MOB3B: variants seen among roughly 807,000 people sequenced by gnomAD.
MOB3B encodes MOB kinase activator 3B.
In MOB3B, 7 loss-of-function variants were observed where a neutral mutation model predicts 18.7. That is an observed-to-expected ratio of 0.37 (90% confidence interval 0.21 to 0.70). The LOEUF is 0.70. Ranked by LOEUF, MOB3B falls within the 30% of genes least tolerant of loss-of-function variation. The pLI is 0.52. For missense variants in MOB3B, 253 were observed against 281.3 expected, an observed-to-expected ratio of 0.90 and a Z score of 0.72; for synonymous variants, 111 against 99.9, an observed-to-expected ratio of 1.11 and a Z score of -0.66.
At position 27,479,370 on chromosome 9, in the gene MOB3B, T is replaced by C. The variant is rs1203463155; in HGVS notation, c.-198-23622A>G. On this transcript the variant is annotated intron_variant, in intron 1 of 3. Coordinates refer to ENST00000262244, the MANE Select transcript of MOB3B (RefSeq NM_024761.5). ...TGAGGGCAGAACCTTCAGGACCTAA[T>C]CACCTCTTAAACTTCCCACCTCTCA... Among the ~76,000 whole-genome samples, 4 of 152,202 alleles carry C rather than the reference T, an allele frequency of 2.6e-5. No homozygotes were observed. In the East Asian group the frequency reaches 5.8e-4, roughly 22 times the overall value.
At chr9:27,506,832 A>ATTTTTTTTTTTTTTTTTTTT (rs71492749) in intron 1 of MOB3B, among the ~76,000 whole-genome samples, 1 of 120,510 alleles carries the variant, frequency 8.3e-6, no homozygotes, top group Non-Finnish European at 1.7e-5. Context: ...ACCCCGGCTA[A>ATTTTTTTTTTTTTTTTTTTT]TTTTTTTTTT....
intron 1 of MOB3B, among the ~76,000 whole-genome samples, chr9:27,478,054 C>T (rs1822723): frequency 0.25 from 37,366 of 151,950 alleles, 5,191 homozygotes; most frequent in South Asian, 0.38. Context: ...AAAATGCATC[C>T]GATTAAAAAA....
At chr9:27,366,896 T>C (rs1224489786) in intron 2 of MOB3B, among the ~76,000 whole-genome samples, 1 of 152,210 alleles carries the variant, frequency 6.6e-6, no homozygotes, top group Non-Finnish European at 1.5e-5. Flanking sequence ...GTGTCTCCCA[T>C]CATCCGCAGA....
intron 1 of MOB3B, among the ~76,000 whole-genome samples, chr9:27,516,971 C>T (rs1820244531): frequency 1.3e-5 from 2 of 152,310 alleles, no homozygotes; most frequent in East Asian, 1.9e-4. Context: ...GCCTGCTCCT[C>T]CTCCCACAGG....
At chr9:27,374,000 T>TGGTTCAAA (rs1180197509) in intron 2 of MOB3B, among the ~76,000 whole-genome samples, 1 of 152,212 alleles carries the variant, frequency 6.6e-6, no homozygotes, top group Admixed American at 6.5e-5. Flanking sequence ...CAGACATCTG[T>TGGTTCAAA]TTAAACCTGG....
At position 27,410,459 on chromosome 9, in the gene MOB3B, C is replaced by G. The variant is rs1428532634; in HGVS notation, c.418+44674G>C. ...AGACCTATAAGAAAATTGCACCTAG[C>G]TAGGAAATTGCCTAGAAAAGATTTT... On this transcript the variant is annotated intron_variant, in intron 2 of 3. Transcript: ENST00000262244. Among the ~76,000 whole-genome samples, 21 of 152,004 alleles carry G rather than the reference C, an allele frequency of 1.4e-4. 1 individual carries two copies. The highest frequency in any genetic ancestry group is 1.4e-3 in the Admixed American group (21 of 15,234).
chr9:27,439,338 A>T (rs1414092049), intron 2 of MOB3B, among the ~76,000 whole-genome samples: 8 of 152,132 alleles, frequency 5.3e-5, no homozygotes, highest in Non-Finnish European at 8.8e-5. Flanking sequence ...ATAATCATTT[A>T]TTTTTTTCCT....
chr9:27,373,623 G>T (rs1242239717), intron 2 of MOB3B, among the ~76,000 whole-genome samples: 1 of 152,008 alleles, frequency 6.6e-6, no homozygotes, highest in Admixed American at 6.6e-5. Flanking sequence ...TATAGAAAAA[G>T]GATTTCTTAA....
chr9:27,416,044 T>C lies in MOB3B; in HGVS notation c.418+39089A>G, dbSNP rs886553853. 1.5e-4 allele frequency among the ~76,000 whole-genome samples: 23 copies of C among 152,368 alleles called. 1 individual carries two copies. The highest frequency in any genetic ancestry group is 5.3e-4 in the African/African-American group (22 of 41,584). ...TTTGTTGGTATCTGGGCTTGCAATA[T>C]GTTTTTGTCCTCTCATTGCATGATA... On this transcript the variant is annotated intron_variant, in intron 2 of 3. Coordinates refer to ENST00000262244, the MANE Select transcript of MOB3B (RefSeq NM_024761.5).
intron 1 of MOB3B, among the ~76,000 whole-genome samples, chr9:27,477,688 A>C (rs953473852): frequency 2.6e-5 from 4 of 152,234 alleles, no homozygotes; most frequent in Non-Finnish European, 4.4e-5. Context: ...CCATCACAAG[A>C]ATGTACCTCA....
At chr9:27,509,823 C>T (rs1001847113) in intron 1 of MOB3B, among the ~76,000 whole-genome samples, 2 of 152,186 alleles carry the variant, frequency 1.3e-5, no homozygotes, top group Non-Finnish European at 2.9e-5. Flanking sequence ...CTCCTGGGTT[C>T]AAGCGATCCT....
intron 2 of MOB3B, among the ~76,000 whole-genome samples, chr9:27,377,766 C>G (rs979893850): frequency 3.9e-5 from 6 of 152,258 alleles, no homozygotes; most frequent in Non-Finnish European, 8.8e-5. Flanking sequence ...TTCTCTAAGA[C>G]TTTCACATTT....
At chr9:27,374,831 A>G (rs572817339) in intron 2 of MOB3B, among the ~76,000 whole-genome samples, 12 of 152,388 alleles carry the variant, frequency 7.9e-5, no homozygotes, top group African/African-American at 2.2e-4. Context: ...TGCTCCCCAT[A>G]CATGGAAGAT....
intron 1 of MOB3B, among the ~76,000 whole-genome samples, chr9:27,486,520 T>G (rs1819731903): frequency 6.6e-6 from 1 of 152,192 alleles, no homozygotes; most frequent in Admixed American, 6.5e-5. Context: ...AACAGACGCA[T>G]AAGTGGATCA....
chr9:27,455,776 A>T, intron 1 of MOB3B, 28 bp from the exon 2 acceptor site: 2 of 1,411,022 alleles, frequency 1.4e-6, no homozygotes, highest in Non-Finnish European at 1.8e-6. Flanking sequence ...AAGGGAACAC[A>T]TGAGTGCCCA....
Position 27,472,978 on chromosome 9 carries a change from G to T in MOB3B, c.-198-17230C>A, listed in dbSNP as rs1377076895. Among the ~76,000 whole-genome samples, 3 of 152,222 alleles carry T rather than the reference G, an allele frequency of 2.0e-5. No individual in the cohort carries two copies. In the East Asian group the frequency reaches 5.8e-4, roughly 29 times the overall value. On this transcript the variant is annotated intron_variant, in intron 1 of 3. Coordinates refer to ENST00000262244, the MANE Select transcript of MOB3B (RefSeq NM_024761.5). ...TGCACGTCTTTACATAACTGATCAA[G>T]ATACAAACCATTTGCAAACATTTAT... is the stretch of plus-strand genomic sequence containing the variant.
At chr9:27,358,776 A>G in intron 3 of MOB3B, 1 of 681,228 alleles carries the variant, frequency 1.5e-6, no homozygotes, top group Non-Finnish European at 2.7e-6. Context: ...AGTTAAAGCT[A>G]CTCCCTCTGA....
chr9:27,436,843 G>A (rs1186370335), intron 2 of MOB3B, among the ~76,000 whole-genome samples: 1 of 152,064 alleles, frequency 6.6e-6, no homozygotes, highest in Admixed American at 6.6e-5. Flanking sequence ...ATGGTTAGAG[G>A]AGTCCTCCCA....
At chr9:27,352,384 A>C (rs951496224) in intron 3 of MOB3B, among the ~76,000 whole-genome samples, 4 of 152,024 alleles carry the variant, frequency 2.6e-5, no homozygotes, top group African/African-American at 9.7e-5. Context: ...AAAAAAAAAA[A>C]AAAAAAAGTA....
Sources: allele counts gnomAD v4.1 joint callset (sites outside exome capture counted in the v4.1 genomes callset), GRCh38; gene constraint gnomAD v4.1.1; transcripts MANE v1.5; gene names NCBI Gene and HGNC (gene_info 2026-07-23, HGNC 2026-07-21).